Variants in CDH4 observed in about 807,000 individuals in gnomAD.
CDH4 encodes the protein cadherin 4.
CDH4 carries 33 observed loss-of-function variants against 86.0 expected under a neutral mutation model. The ratio of observed to expected loss-of-function variants is 0.38; its 90% CI spans 0.29 to 0.51. The LOEUF (loss-of-function observed/expected upper bound fraction) is 0.51. Ranked by LOEUF, CDH4 falls within the 20% of genes least tolerant of loss-of-function variation. The pLI is 0.86. For synonymous variants in CDH4, 555 were observed against 549.4 expected (o/e 1.01, Z -0.14); for missense variants, 1,114 against 1,307.4 (o/e 0.85, Z 2.28).
At chr20:61,660,006 T>A (rs6061703) in intron 2 of CDH4, among the ~76,000 whole-genome samples, 102,134 of 152,090 alleles carry the variant, frequency 0.67, 34,734 homozygotes, top group African/African-American at 0.76. Context: ...CTGAGCAGGG[T>A]TCTGGACTCC....
chr20:61,576,372 G>A (rs1033110234), intron 2 of CDH4, among the ~76,000 whole-genome samples: 2 of 152,066 alleles, frequency 1.3e-5, no homozygotes, highest in Non-Finnish European at 2.9e-5. Flanking sequence ...AAGGTTCCTT[G>A]TGCTGAGAAA....
chr20:61,797,682 G>T (rs1979604468), intron 4 of CDH4, among the ~76,000 whole-genome samples: 1 of 152,210 alleles, frequency 6.6e-6, no homozygotes, highest in Admixed American at 6.5e-5. Context: ...AGCTCCTCGG[G>T]AGGCTGAGGC....
At chr20:61,313,494 A>T (rs892041094) in intron 2 of CDH4, among the ~76,000 whole-genome samples, 1 of 152,168 alleles carries the variant, frequency 6.6e-6, no homozygotes, top group Non-Finnish European at 1.5e-5. Context: ...CCCTGTCGGG[A>T]AGCCACCAGG....
rs973102121 is a variant in CDH4, at chr20:61,544,979, T to C, written c.170-198584T>C. On this transcript the variant is annotated intron_variant, in intron 2 of 15. Coordinates refer to ENST00000614565, the MANE Select transcript of CDH4 (RefSeq NM_001794.5). This position sits in a 1 kb window ranked among gnomAD's most constrained non-coding sequence, Gnocchi z 6.5. Reference sequence around the variant, plus strand: ...AAGTAGGGTGACTAGCAAATGACCCTTGAGCAGCCCTACTGGGGCCCCGAG... The same window carrying C: ...AAGTAGGGTGACTAGCAAATGACCCCTGAGCAGCCCTACTGGGGCCCCGAG... Among the ~76,000 whole-genome samples, 2 of 152,200 alleles carry C rather than the reference T, an allele frequency of 1.3e-5. No individual in the cohort carries two copies. Among genetic ancestry groups the C allele is most frequent in the Non-Finnish European group, 2.9e-5 (2 of 68,042 alleles).
At position 61,936,314 on chromosome 20, in the gene CDH4, C is replaced by A. The variant is rs1429667674; in HGVS notation, c.2545-423C>A. Among the ~76,000 whole-genome samples, 6 of 83,022 alleles carry A rather than the reference C, an allele frequency of 7.2e-5. No homozygotes were observed. In the Admixed American group the frequency reaches 7.5e-4, roughly 10 times the overall value. 54.5% of individuals were successfully genotyped at this position (83,022 alleles called of 152,430 possible). A position where few individuals can be genotyped will look rare whatever the true frequency, so the allele number is the denominator to read the frequency against. Reference sequence around the variant, plus strand: ...GCCCTTCCCCTATAAACCCTCACAGCCCCCCACCCTCTCCCACACCTCCAC... The same window carrying A: ...GCCCTTCCCCTATAAACCCTCACAGACCCCCACCCTCTCCCACACCTCCAC... On this transcript the variant is annotated intron_variant, in intron 15 of 15. Transcript: ENST00000614565.
At chr20:61,822,833 G>A (rs958207605) in intron 4 of CDH4, among the ~76,000 whole-genome samples, 10 of 152,174 alleles carry the variant, frequency 6.6e-5, no homozygotes, top group Admixed American at 3.9e-4. Flanking sequence ...GTCAGACTCC[G>A]GCCACAACAG....
intron 2 of CDH4, among the ~76,000 whole-genome samples, chr20:61,702,961 C>A (rs2087792129): frequency 6.6e-6 from 1 of 152,220 alleles, no homozygotes; most frequent in Non-Finnish European, 1.5e-5. Context: ...CTGGCAGAGG[C>A]TGTGTGCGTG....
At chr20:61,309,965 G>C (rs144300991) in intron 2 of CDH4, among the ~76,000 whole-genome samples, 1 of 152,212 alleles carries the variant, frequency 6.6e-6, no homozygotes, top group East Asian at 1.9e-4. Context: ...CCTCTCCATT[G>C]CTCTCTCTGC....
At chr20:61,456,298 G>A (rs1432661150) in intron 2 of CDH4, among the ~76,000 whole-genome samples, 3 of 152,224 alleles carry the variant, frequency 2.0e-5, no homozygotes, top group Admixed American at 1.3e-4. Flanking sequence ...CAACATGGCG[G>A]GTGAAATCTT....
At chr20:61,932,867 C>A (rs1298109339) in intron 13 of CDH4, 118 bp from the exon 14 acceptor site, 3 of 1,354,796 alleles carry the variant, frequency 2.2e-6, no homozygotes, top group Non-Finnish European at 1.0e-6. Context: ...CACACATGGG[C>A]ACAGTCATGC....
intron 2 of CDH4, among the ~76,000 whole-genome samples, chr20:61,479,832 C>G (rs1389160385): frequency 1.3e-5 from 2 of 152,198 alleles, no homozygotes; most frequent in African/African-American, 4.8e-5. Context: ...GACTGTGTAA[C>G]AGGCTACTCA....
intron 5 of CDH4, among the ~76,000 whole-genome samples, chr20:61,850,334 C>T (rs1358845833): frequency 6.6e-6 from 1 of 152,210 alleles, no homozygotes; most frequent in Non-Finnish European, 1.5e-5. Context: ...CCTGAGCAAA[C>T]GCACGGTGCG....
chr20:61,824,360 CA>C (rs559612224), intron 4 of CDH4, among the ~76,000 whole-genome samples: 3,300 of 113,174 alleles, frequency 0.029, 46 homozygotes, highest in South Asian at 0.088. Context: ...GATAAAAATA[CA>C]AAAAAAAAAA....
chr20:61,780,260 C>G (rs1978466242), intron 4 of CDH4, among the ~76,000 whole-genome samples: 1 of 152,136 alleles, frequency 6.6e-6, no homozygotes, highest in Non-Finnish European at 1.5e-5. Context: ...ACAAGCTCCC[C>G]CCTCAGCCTG....
At chr20:61,896,336 A>G (rs901950007) in intron 8 of CDH4, among the ~76,000 whole-genome samples, 6 of 152,182 alleles carry the variant, frequency 3.9e-5, no homozygotes, top group Admixed American at 3.3e-4. Context: ...GAAGGCAACT[A>G]AGGCCAGAGC....
chr20:61,434,239 G>A (rs778852549), intron 2 of CDH4, among the ~76,000 whole-genome samples: 2 of 152,158 alleles, frequency 1.3e-5, no homozygotes, highest in African/African-American at 2.4e-5. Context: ...ACCCACCATG[G>A]TTTTGCTGAA....
intron 2 of CDH4, among the ~76,000 whole-genome samples, chr20:61,423,892 C>T (rs1001346068): frequency 6.6e-6 from 1 of 152,220 alleles, no homozygotes; most frequent in Non-Finnish European, 1.5e-5. Flanking sequence ...CAGCCTCATA[C>T]CTTGTCACTC....
Position 61,831,056 on chromosome 20 carries a change from C to A in CDH4, c.577-13612C>A, listed in dbSNP as rs116853893. Among the ~76,000 whole-genome samples, 362 of 152,270 alleles carry A rather than the reference C, an allele frequency of 2.4e-3. 2 individuals carry two copies. Among genetic ancestry groups the A allele is most frequent in the Middle Eastern group, 0.01 (3 of 294 alleles). ...CGGGGTCTCGCCCCTCCTGGAGGCA[C>A]TGGCTACCCTCAACTCTTGGGGGAG... On this transcript the variant is annotated intron_variant, in intron 4 of 15. Transcript: ENST00000614565.
intron 2 of CDH4, among the ~76,000 whole-genome samples, chr20:61,348,249 C>A (rs1215365756): frequency 6.6e-6 from 1 of 151,994 alleles, no homozygotes; most frequent in Non-Finnish European, 1.5e-5. Flanking sequence ...GCACATCTTA[C>A]ATGGTGGCAG....
Sources: allele counts gnomAD v4.1 joint callset (sites outside exome capture counted in the v4.1 genomes callset), GRCh38; gene constraint gnomAD v4.1.1; non-coding constraint Gnocchi (gnomAD v3.1); transcripts MANE v1.5; gene names NCBI Gene and HGNC (gene_info 2026-07-23, HGNC 2026-07-21).